Variants in SLC5A6 observed in about 807,000 individuals in gnomAD.
SLC5A6 encodes the protein solute carrier family 5 member 6, also known as sodium-dependent multivitamin transporter.
Under a neutral mutation model 67.9 loss-of-function variants are expected in SLC5A6, and 31 were observed. The observed-to-expected ratio is 0.46, with a 90% CI of 0.34 to 0.62. The LOEUF (loss-of-function observed/expected upper bound fraction) is 0.62. Among genes scored for constraint, SLC5A6 ranks in the 20% least tolerant of loss-of-function variants. SLC5A6 has a pLI of 0.01. For synonymous variants in SLC5A6, 343 were observed against 331.0 expected, an observed-to-expected ratio of 1.04 and a Z score of -0.39; for missense variants, 673 against 812.8, an observed-to-expected ratio of 0.83 and a Z score of 2.09.
Position 27,205,475 on chromosome 2 carries a change from A to G in SLC5A6, c.609T>C (p.Asp203=). ...LGGLKAVIWT[D]VFQTLVMFLG... is the part of the protein sequence containing the mutation. ...GGAACATGACCAGTGTCTGGAACAC[A>G]TCTGTCCAGATGACGGCCTTCAGCC... The change falls in exon 7 of 17, where the codon GAT becomes GAC. Residue 203 remains aspartate, a synonymous_variant. Transcript: ENST00000310574. 2 of 1,614,214 alleles carry G rather than the reference A, an allele frequency of 1.2e-6. No individual in the cohort carries two copies. The highest frequency in any genetic ancestry group is 3.3e-4 in the Middle Eastern group (2 of 6,062).
In SLC5A6 at chr2:27,206,125, G is replaced by A. The variant is rs777465578; in HGVS notation, c.512-32C>T. On this transcript the variant is annotated intron_variant, in intron 5 of 16. Coordinates refer to ENST00000310574, the MANE Select transcript of SLC5A6 (RefSeq NM_021095.4). ...GCATAGAAGCCACATTCTTATCCCT[G>A]GAAAAGGGTTCCCCAGGGGAGAAGC... 15 of 1,607,332 alleles carry A rather than the reference G, an allele frequency of 9.3e-6. No homozygotes were observed. The East Asian group carries it at 2.9e-4, about 31-fold the overall frequency.
rs762098930 is a variant in SLC5A6, at chr2:27,200,423, T to A, written c.*13A>T. 2.5e-6 allele frequency: 4 copies of A among 1,598,222 alleles called. No homozygotes were observed. Among genetic ancestry groups the A allele is most frequent in the Non-Finnish European group, 3.4e-6 (4 of 1,171,938 alleles). ...TGGCACAGTGAGGACAGAGGCGGGG[T>A]CCTGAGTCAACATCACAGGGAGGTC... On this transcript the variant is annotated 3_prime_UTR_variant, in exon 17 of 17. Transcript: ENST00000310574.
chr2:27,208,824 C>T (rs1175560049), intron 2 of SLC5A6: 1 of 152,574 alleles, frequency 6.6e-6, no homozygotes, highest in Non-Finnish European at 1.5e-5. Flanking sequence ...GCCCTAGAGG[C>T]TCCAGAACAG....
In SLC5A6 at chr2:27,206,542, A is replaced by G. The variant is rs372669125; in HGVS notation, c.460-8T>C. 91 of 1,613,788 alleles carry G rather than the reference A, an allele frequency of 5.6e-5. No homozygotes were observed. Among genetic ancestry groups the G allele is most frequent in the Non-Finnish European group, 7.0e-5 (83 of 1,179,828 alleles). On this transcript the variant is annotated splice_region_variant and splice_polypyrimidine_tract_variant and intron_variant, in intron 4 of 16. Coordinates refer to ENST00000310574, the MANE Select transcript of SLC5A6 (RefSeq NM_021095.4). Reference sequence around the variant, plus strand: ...AACTCCCATGTAGATCACCTGTTGCATGTGGAAAAAATGTGATGGGGGCCG... The same window carrying G: ...AACTCCCATGTAGATCACCTGTTGCGTGTGGAAAAAATGTGATGGGGGCCG...
chr2:27,201,755 G>C lies in SLC5A6; in HGVS notation c.1455C>G (p.Pro485=), dbSNP rs202069093. 4.1e-5 allele frequency: 66 copies of C among 1,614,060 alleles called. No individual in the cohort carries two copies. In the Admixed American group the frequency reaches 1.1e-3, roughly 26 times the overall value. Reference sequence around the variant, plus strand: ...AGAAGCTGGACCCATTAGAGGGAGAGGGTGGCATGCTGGAGCCCATGCTGG... The same window carrying C: ...AGAAGCTGGACCCATTAGAGGGAGACGGTGGCATGCTGGAGCCCATGCTGG... ...IVTSMGSSMP[P]SPSNGSSFSL... Residue 485 remains proline, a synonymous_variant, in exon 14 of 17, where the codon CCC becomes CCG. Coordinates refer to ENST00000310574, the MANE Select transcript of SLC5A6 (RefSeq NM_021095.4).
chr2:27,206,262 T>C (rs1401923067), intron 5 of SLC5A6, 169 bp from the exon 6 acceptor site: 2 of 707,610 alleles, frequency 2.8e-6, no homozygotes, highest in South Asian at 1.8e-5. Flanking sequence ...CCAAAAGATA[T>C]TGACTAACCA....
At position 27,206,940 on chromosome 2, in the gene SLC5A6, G is replaced by C; in HGVS notation, c.396C>G (p.Tyr132Ter). The C allele has an allele frequency of 6.2e-7, 1 of 1,612,342 alleles. No individual in the cohort carries two copies. ...CAGTTTTATTGAATCGAAGCTCCAG[G>C]TACTGGGTATACAGAAAAAAAGATT... ...YRLHLTSAYE[Y>*]LELRFNKTVR... The change falls in exon 4 of 17, where the codon TAC becomes TAG. Residue 132 changes from tyrosine (Y) to a stop codon, truncating the protein, a stop_gained and splice_region_variant. Coordinates refer to ENST00000310574, the MANE Select transcript of SLC5A6 (RefSeq NM_021095.4). LOFTEE classifies it high-confidence loss of function.
chr2:27,201,677 A>C lies in SLC5A6; in HGVS notation c.1533T>G (p.Thr511=). The change falls in exon 14 of 17, where the codon ACT becomes ACG. Residue 511 remains threonine, a synonymous_variant. Transcript: ENST00000310574. ...AAGCCCTGCCTTACTTGGAGAAGGT[A>C]GTCAAGGGCATCAGTGTGGTCACAG... ...VATVTTLMPL[T]TFSKPTGLQR... 1 of 1,613,950 alleles carries C rather than the reference A, an allele frequency of 6.2e-7. No homozygotes were observed. The highest frequency in any genetic ancestry group is 2.2e-5 in the East Asian group (1 of 44,884).
upstream of SLC5A6, chr2:27,212,525 C>G (rs921323005): frequency 1.1e-5 from 16 of 1,506,276 alleles, no homozygotes; most frequent in Admixed American, 2.0e-4. Context: ...CCGTGCGTCG[C>G]GCTCGCCAGC....
intron 1 of SLC5A6, 143 bp downstream of exon 1, chr2:27,211,877 C>T (rs1445953133): frequency 1.5e-5 from 4 of 267,254 alleles, no homozygotes; most frequent in Non-Finnish European, 2.8e-5. Flanking sequence ...CTCTCGGCAC[C>T]GGCTCACGCT....
Position 27,200,513 on chromosome 2 carries a change from T to C in SLC5A6, c.1831A>G (p.Lys611Glu). The change falls in exon 17 of 17, where the codon AAG becomes GAG. Residue 611 changes from lysine to glutamate, a missense_variant. Physicochemically the swap from Lys to Glu is moderately conservative, Grantham distance 56. Transcript: ENST00000310574. ...GTGCCATCCAGGGCCATGGCCTCCT[T>C]GTCTCTGCTGTCCCCCAGCACACCA... ...RNGVLGDSRD[K>E]EAMALDGTAY... 6.2e-7 allele frequency: 1 copy of C among 1,614,012 alleles called. No individual in the cohort carries two copies. The highest frequency in any genetic ancestry group is 8.5e-7 in the Non-Finnish European group (1 of 1,179,940).
At chr2:27,206,405 C>A (rs550369637) in intron 5 of SLC5A6, 78 bp downstream of exon 5, 139 of 1,344,062 alleles carry the variant, frequency 1.0e-4, no homozygotes, top group Non-Finnish European at 1.4e-4. Flanking sequence ...TTTCCACATA[C>A]GCTCCTCCAT....
chr2:27,207,578 A>G lies in SLC5A6; in HGVS notation c.73T>C (p.Ser25Pro), dbSNP rs1292217554. 1.2e-6 allele frequency: 2 copies of G among 1,614,134 alleles called. No homozygotes were observed. Among genetic ancestry groups the G allele is most frequent in the African/African-American group, 1.3e-5 (1 of 74,942 alleles). ...SGTSVGMSTF[S>P]IMDYVVFVLL... Reference sequence around the variant, plus strand: ...ACGAACACCACATAGTCCATGATGGAGAAGGTAGACATGCCCACGCTTGTG... The same window carrying G: ...ACGAACACCACATAGTCCATGATGGGGAAGGTAGACATGCCCACGCTTGTG... The change falls in exon 3 of 17, where the codon TCC becomes CCC. Residue 25 changes from serine to proline, a missense_variant. By Grantham distance (74) the Ser-to-Pro change is moderately conservative (BLOSUM62 -1). Transcript: ENST00000310574. This position sits in a 1 kb window ranked among gnomAD's most constrained non-coding sequence, Gnocchi z 5.5.
chr2:27,200,574 G>A lies in SLC5A6; in HGVS notation c.1770C>T (p.His590=). 1 of 1,611,816 alleles carries A rather than the reference G, an allele frequency of 6.2e-7. No homozygotes were observed. The highest frequency in any genetic ancestry group is 8.5e-7 in the Non-Finnish European group (1 of 1,178,784). The change falls in exon 17 of 17, where the codon CAC becomes CAT. Residue 590 remains histidine, a synonymous_variant. Coordinates refer to ENST00000310574, the MANE Select transcript of SLC5A6 (RefSeq NM_021095.4). The part of the protein sequence containing the change: ...RLHCRSYGQD[H]LDTGLFPEKP... ...TCTCAGGAAACAGGCCAGTGTCGAG[G>A]TGGTCCTGCAAACACAGAGCCAAAG...
intron 16 of SLC5A6, 46 bp downstream of exon 16, chr2:27,200,952 T>C: frequency 8.1e-7 from 1 of 1,229,740 alleles, no homozygotes; most frequent in Non-Finnish European, 1.2e-6. Flanking sequence ...GTCAGTGGCA[T>C]CTGTGGAGAA....
In SLC5A6 at chr2:27,202,005, G is replaced by C; in HGVS notation, c.1345C>G (p.Pro449Ala). The C allele has an allele frequency of 6.2e-7, 1 of 1,614,090 alleles. No individual in the cohort carries two copies. Among genetic ancestry groups the C allele is most frequent in the Non-Finnish European group, 8.5e-7 (1 of 1,179,932 alleles). Residue 449 changes from proline (P) to alanine (A), a missense_variant, in exon 13 of 17, where the codon CCA becomes GCA. By Grantham distance (27) the Pro-to-Ala change is conservative. Transcript: ENST00000310574. Reference protein sequence around the residue: ...LGLFCLGMFFPCANPPGAVVG... With the variant: ...LGLFCLGMFFACANPPGAVVG... ...TCACTCACAGGAGGGTTAGCACATG[G>C]AAAGAACATTCCAAGGCAGAAGAGT...
chr2:27,204,934 G>A lies in SLC5A6; in HGVS notation c.735-3C>T, dbSNP rs757011134. 5 of 1,612,274 alleles carry A rather than the reference G, an allele frequency of 3.1e-6. No individual in the cohort carries two copies. In the South Asian group the frequency reaches 4.4e-5, roughly 14 times the overall value. On this transcript the variant is annotated splice_region_variant and splice_polypyrimidine_tract_variant and intron_variant, in intron 7 of 16. Coordinates refer to ENST00000310574, the MANE Select transcript of SLC5A6 (RefSeq NM_021095.4). ...GCACAAAGGGGTCTGGATCCAGCCT[G>A]TAACAGACACCACCCAGTCATTGTG...
chr2:27,210,588 G>A (rs1443161247), intron 2 of SLC5A6, among the ~76,000 whole-genome samples: 4 of 151,092 alleles, frequency 2.6e-5, no homozygotes, highest in South Asian at 2.1e-4. Flanking sequence ...GTGCTACCGC[G>A]CCCAGCTAAT....
chr2:27,207,288 G>A lies in SLC5A6; in HGVS notation c.363C>T (p.Phe121=). The A allele has an allele frequency of 6.2e-7, 1 of 1,613,998 alleles. No homozygotes were observed. Among genetic ancestry groups the A allele is most frequent in the Non-Finnish European group, 8.5e-7 (1 of 1,180,036 alleles). The part of the protein sequence containing the change: ...LIPAHIFIPV[F]YRLHLTSAYE... Reference sequence around the variant, plus strand: ...AGGCACTGGTGAGATGCAGGCGGTAGAAAACGGGGATGAAGATGTGTGCAG... The same window carrying A: ...AGGCACTGGTGAGATGCAGGCGGTAAAAAACGGGGATGAAGATGTGTGCAG... Residue 121 remains phenylalanine, a synonymous_variant, in exon 3 of 17, where the codon TTC becomes TTT. Coordinates refer to ENST00000310574, the MANE Select transcript of SLC5A6 (RefSeq NM_021095.4). This position sits in a 1 kb window ranked among gnomAD's most constrained non-coding sequence, Gnocchi z 5.5.
Sources: allele counts gnomAD v4.1 joint callset (sites outside exome capture counted in the v4.1 genomes callset), GRCh38; gene constraint gnomAD v4.1.1; non-coding constraint Gnocchi (gnomAD v3.1); transcripts MANE v1.5; gene names NCBI Gene and HGNC (gene_info 2026-07-23, HGNC 2026-07-21).